The following KRT73 variants were observed in gnomAD, a reference collection of about 807,000 sequenced individuals.
The protein encoded by KRT73 is keratin 73.
A neutral mutation model predicts 47.2 loss-of-function variants in KRT73; 44 were observed. The ratio of observed to expected loss-of-function variants is 0.93; its 90% confidence interval spans 0.73 to 1.20. KRT73 has a LOEUF of 1.20. Ranked by LOEUF, KRT73 falls within the 50% of genes most tolerant of loss-of-function variation. The pLI, the probability that KRT73 is intolerant of heterozygous loss-of-function variation, is 0.00. For missense variants in KRT73, 713 were observed against 704.5 expected (o/e 1.01, Z -0.14); for synonymous variants, 285 against 291.3 (o/e 0.98, Z 0.22).
the KRT73 span, among the ~76,000 whole-genome samples, chr12:52,625,636 T>C: frequency 6.6e-6 from 1 of 152,170 alleles, no homozygotes; most frequent in African/African-American, 2.4e-5. Context: ...AACCTGATCA[T>C]TTATCCCAGA....
intron 1 of KRT73, 132 bp downstream of exon 1, chr12:52,617,946 C>T (rs1192749878): frequency 9.8e-7 from 1 of 1,018,046 alleles, no homozygotes; most frequent in Non-Finnish European, 1.4e-6. Context: ...AAGTTGTTTA[C>T]CTGGTGTCTG....
In KRT73 at chr12:52,618,325, C is replaced by T. The variant is rs759065141; in HGVS notation, c.200G>A (p.Trp67Ter). The change falls in exon 1 of 9, where the codon TGG (tryptophan) becomes TAG (stop). Residue 67 changes from tryptophan to a stop codon, truncating the protein, a stop_gained. Coordinates refer to ENST00000305748, the MANE Select transcript of KRT73 (RefSeq NM_175068.3). LOFTEE classifies it high-confidence loss of function. Reference sequence around the variant, plus strand: ...CCGGCCAAATCCATAGCCTCCTGCCCACCCACTGCCACTGGCCACATTGAA... The same window carrying T: ...CCGGCCAAATCCATAGCCTCCTGCCTACCCACTGCCACTGGCCACATTGAA... ...ISFNVASGSGWAGGYGFGRGR... is the reference protein window; with the variant it reads ...ISFNVASGSG The T allele has an allele frequency of 4.3e-6, 7 of 1,614,198 alleles. No individual in the cohort carries two copies. Among genetic ancestry groups the T allele is most frequent in the South Asian group, 1.1e-5 (1 of 91,074 alleles).
upstream of KRT73, among the ~76,000 whole-genome samples, chr12:52,620,342 G>A (rs1177450361): frequency 6.6e-6 from 1 of 152,088 alleles, no homozygotes; most frequent in African/African-American, 2.4e-5. Flanking sequence ...AACCTCAGGT[G>A]ATCTGCCCGC....
chr12:52,611,035 G>A (rs1350977936), intron 6 of KRT73, 169 bp downstream of exon 6: 1 of 986,996 alleles, frequency 1.0e-6, no homozygotes, highest in African/African-American at 1.6e-5. Context: ...AAAATAATCT[G>A]CAATTGTTCC....
rs1024486951 is a variant in KRT73 at position 52,608,316 on chromosome 12, G to A, written c.1503C>T (p.Gly501=). The A allele has an allele frequency of 1.2e-6, 2 of 1,613,856 alleles. No individual in the cohort carries two copies. The highest frequency in any genetic ancestry group is 1.7e-6 in the Non-Finnish European group (2 of 1,180,018). ...CCCCACGGGGGCTACAGTTCCCACT[G>A]CCAGTGACACAGCCCCCAGGCAGCA... ...YSMLPGGCVT[G]SGNCSPRGEA... is the part of the protein sequence containing the mutation. Residue 501 remains glycine (G), a synonymous_variant, in exon 9 of 9, where the codon GGC becomes GGT. Coordinates refer to ENST00000305748, the MANE Select transcript of KRT73 (RefSeq NM_175068.3).
chr12:52,626,209 C>A, the KRT73 span, among the ~76,000 whole-genome samples: 1 of 152,154 alleles, frequency 6.6e-6, no homozygotes, highest in Non-Finnish European at 1.5e-5. Flanking sequence ...TTCAAAATAA[C>A]CCCATCAAGA....
the KRT73 span, among the ~76,000 whole-genome samples, chr12:52,630,485 T>A: frequency 6.6e-6 from 1 of 152,182 alleles, no homozygotes; most frequent in African/African-American, 2.4e-5. Flanking sequence ...AGGGCAGCAC[T>A]GTGCCGAGGG....
upstream of KRT73, among the ~76,000 whole-genome samples, chr12:52,621,302 G>GA (rs1940902141): frequency 1.4e-5 from 2 of 139,790 alleles, no homozygotes; most frequent in Non-Finnish European, 3.2e-5. Context: ...GGGGGGGGGG[G>GA]GAGAGAGAAA....
intron 1 of KRT73, among the ~76,000 whole-genome samples, chr12:52,617,520 G>A (rs1390376930): frequency 2.0e-5 from 3 of 150,604 alleles, no homozygotes; most frequent in Non-Finnish European, 4.4e-5. Context: ...CAGCTGCCTT[G>A]CCTCATAGGC....
Position 52,618,219 on chromosome 12 carries a change from C to A in KRT73, c.306G>T (p.Gly102=), listed in dbSNP as rs148491349. Residue 102 remains glycine, a synonymous_variant, in exon 1 of 9, where the codon GGG becomes GGT. Coordinates refer to ENST00000305748, the MANE Select transcript of KRT73 (RefSeq NM_175068.3). ...GSVCPSLCPP[G]GIHQVTINKS... ...TGTTGATGGTGACCTGATGGATACC[C>A]CCGGGCGGGCACAACGACGGACACA... 1.2e-6 allele frequency: 2 copies of A among 1,614,158 alleles called. No individual in the cohort carries two copies. The highest frequency in any genetic ancestry group is 8.5e-7 in the Non-Finnish European group (1 of 1,180,018).
chr12:52,611,160 C>A (rs1208161265), intron 6 of KRT73, 44 bp downstream of exon 6: 3 of 1,608,502 alleles, frequency 1.9e-6, no homozygotes, highest in Non-Finnish European at 8.5e-7. Context: ...AAGCAGTTCA[C>A]CCCTCCCTTA....
the KRT73 span, among the ~76,000 whole-genome samples, chr12:52,630,310 TC>T: frequency 5.3e-5 from 8 of 152,332 alleles, no homozygotes; most frequent in East Asian, 1.5e-3. Flanking sequence ...TCCTGTCTCC[TC>T]TGGGTCACCC....
chr12:52,610,536 C>CT, intron 7 of KRT73, 79 bp downstream of exon 7: 1 of 163,190 alleles, frequency 6.1e-6, no homozygotes, highest in Non-Finnish European at 1.3e-5. Context: ...GCCGCCCCCT[C>CT]CCCCCCGCCC....
At chr12:52,608,504 G>A (rs1940632479) in intron 8 of KRT73, 52 bp from the exon 9 acceptor site, 1 of 1,493,898 alleles carries the variant, frequency 6.7e-7, no homozygotes, top group East Asian at 2.4e-5. Flanking sequence ...GACAGAGGTG[G>A]CCTTAAGTCC....
At chr12:52,618,561 C>T (rs374429527), upstream of KRT73, 2 of 1,548,418 alleles carry the variant, frequency 1.3e-6, no homozygotes, top group Non-Finnish European at 1.7e-6. Flanking sequence ...AGATGCTGAC[C>T]CTTAGCTGAG....
rs371547087 is a variant in KRT73, at chr12:52,611,367, G to A, written c.985-38C>T. The A allele has an allele frequency of 1.5e-5, 24 of 1,612,460 alleles. No individual in the cohort carries two copies. The African/African-American group carries it at 2.9e-4, about 20-fold the overall frequency. On this transcript the variant is annotated intron_variant, in intron 5 of 8. Coordinates refer to ENST00000305748, the MANE Select transcript of KRT73 (RefSeq NM_175068.3). ...GAACCAAAGCAAGAACACTGACTCAGGGCTTGGCTGGGATCAGCCTGGTAC... is the reference window on the plus strand; with the variant it reads ...GAACCAAAGCAAGAACACTGACTCAAGGCTTGGCTGGGATCAGCCTGGTAC...
chr12:52,608,180 G>A lies in KRT73; in HGVS notation c.*16C>T, dbSNP rs1408370111. The A allele has an allele frequency of 6.2e-7, 1 of 1,600,730 alleles. No homozygotes were observed. The highest frequency in any genetic ancestry group is 8.5e-7 in the Non-Finnish European group (1 of 1,172,674). ...AGGGCAAGGCAGACTACTGGGAAAT[G>A]GGCTGTGTTGCACTTTTATCTCATG... On this transcript the variant is annotated 3_prime_UTR_variant, in exon 9 of 9. Transcript: ENST00000305748.
intron 3 of KRT73, 150 bp downstream of exon 3, chr12:52,615,129 C>CA: frequency 1.6e-6 from 1 of 632,612 alleles, no homozygotes; most frequent in South Asian, 2.1e-5. Flanking sequence ...CCAGGTGTCC[C>CA]AAAATGTCCC....
At chr12:52,616,926 G>T (rs2120879157) in intron 1 of KRT73, among the ~76,000 whole-genome samples, 1 of 152,260 alleles carries the variant, frequency 6.6e-6, no homozygotes, top group Non-Finnish European at 1.5e-5. Flanking sequence ...TCACAGCATT[G>T]TCCCAGCAGC....
Sources: gnomAD v4.1 joint callset for allele counts (sites outside exome capture counted in the v4.1 genomes callset) on GRCh38, gnomAD v4.1.1 for gene constraint, MANE v1.5 for transcripts, NCBI Gene and HGNC (gene_info 2026-07-23, HGNC 2026-07-21) for gene names.